Variants in LCT observed in about 807,000 individuals in gnomAD.
LCT encodes the protein lactase/phlorizin hydrolase.
LCT carries 90 observed loss-of-function variants against 173.0 expected under a neutral mutation model. The observed-to-expected ratio is 0.52, with a 90% CI of 0.44 to 0.62. LCT has a LOEUF of 0.62. Among genes scored for constraint, LCT ranks in the 20% least tolerant of loss-of-function variants. LCT has a pLI of 0.00. For synonymous variants in LCT, 853 were observed against 957.6 expected (o/e 0.89, Z 2.02); for missense variants, 1,864 against 2,431.4 (o/e 0.77, Z 4.91).
At chr2:135,799,460 C>T (rs1052259974) in intron 12 of LCT, among the ~76,000 whole-genome samples, 1 of 151,760 alleles carries the variant, frequency 6.6e-6, no homozygotes, top group Non-Finnish European at 1.5e-5. Flanking sequence ...TAAAGGTAGG[C>T]CATGCTGGCA....
At chr2:135,823,850 C>A in intron 4 of LCT, 51 bp downstream of exon 4, 1 of 1,212,560 alleles carries the variant, frequency 8.2e-7, no homozygotes, top group Non-Finnish European at 1.2e-6. Context: ...CTACCTAGCA[C>A]ACCAGTGCAC....
At chr2:135,825,362 T>C (rs2077880090) in intron 3 of LCT, among the ~76,000 whole-genome samples, 1 of 152,198 alleles carries the variant, frequency 6.6e-6, no homozygotes, top group African/African-American at 2.4e-5. Context: ...TTAGTGGAGC[T>C]GTGACTCCAC....
chr2:135,814,440 A>C (rs1409217904), intron 6 of LCT, among the ~76,000 whole-genome samples: 1 of 152,206 alleles, frequency 6.6e-6, no homozygotes, highest in Non-Finnish European at 1.5e-5. Flanking sequence ...ACAGTGAGCA[A>C]CAATCTGAGG....
intron 5 of LCT, among the ~76,000 whole-genome samples, chr2:135,819,405 G>A (rs530818357): frequency 1.3e-5 from 2 of 152,108 alleles, no homozygotes; most frequent in Admixed American, 6.5e-5. Flanking sequence ...AGCAGAGGTC[G>A]GCCTTGAGGA....
chr2:135,828,863 G>GT (rs1413845305), intron 3 of LCT, among the ~76,000 whole-genome samples: 7 of 152,122 alleles, frequency 4.6e-5, no homozygotes, highest in South Asian at 4.1e-4. Flanking sequence ...TGAAATGTTT[G>GT]TTTTTTTAAA....
At chr2:135,810,886 G>C (rs1018507010) in intron 7 of LCT, among the ~76,000 whole-genome samples, 2 of 152,030 alleles carry the variant, frequency 1.3e-5, no homozygotes, top group Non-Finnish European at 2.9e-5. Flanking sequence ...AATTAGCCGG[G>C]CGTGGTGACG....
Position 135,788,134 on chromosome 2 carries a change from C to T in LCT, c.*190G>A. On this transcript the variant is annotated 3_prime_UTR_variant, in exon 17 of 17. Coordinates refer to ENST00000264162, the MANE Select transcript of LCT (RefSeq NM_002299.4). ...GCCCAAATGAACTCTGATACTGGAG[C>T]AAGATGGAGATATTTCCATTTTACT... 1 of 633,026 alleles carries T rather than the reference C, an allele frequency of 1.6e-6. No homozygotes were observed. The highest frequency in any genetic ancestry group is 2.6e-5 in the Admixed American group (1 of 37,938). 39.2% of individuals were successfully genotyped at this position (633,026 alleles called of 1,614,324 possible). A position where few individuals can be genotyped will look rare whatever the true frequency, so the allele number is the denominator to read the frequency against.
rs1553436126 is a variant in LCT at position 135,835,976 on chromosome 2, G to GTGTATGTATA, written c.640+553_640+554insTATACATACA. ...AGGGGTATTTCAAAAATACATGTGT[G>GTGTATGTATA]TATATATATATATATATATATATAT... On this transcript the variant is annotated intron_variant, in intron 1 of 16. Transcript: ENST00000264162. 7.5e-5 allele frequency among the ~76,000 whole-genome samples: 6 copies of GTGTATGTATA among 80,462 alleles called. 1 individual carries two copies. The highest frequency in any genetic ancestry group is 1.6e-4 in the Admixed American group (1 of 6,308). 52.8% of individuals were successfully genotyped at this position (80,462 alleles called of 152,430 possible). A position where few individuals can be genotyped will look rare whatever the true frequency, so the allele number is the denominator to read the frequency against.
chr2:135,790,908 G>T lies in LCT; in HGVS notation c.5112-27C>A. ...TACAAGTTCAAAAACTAAAGATGAG[G>T]TCTTGTTTTGTAAATCTCAAGAGGC... On this transcript the variant is annotated intron_variant, in intron 14 of 16. Coordinates refer to ENST00000264162, the MANE Select transcript of LCT (RefSeq NM_002299.4). This position sits in a 1 kb window ranked among gnomAD's most constrained non-coding sequence, Gnocchi z 4.1. The T allele has an allele frequency of 1.3e-6, 2 of 1,545,040 alleles. No homozygotes were observed. The highest frequency in any genetic ancestry group is 1.7e-4 in the Middle Eastern group (1 of 5,902).
intron 13 of LCT, among the ~76,000 whole-genome samples, 154 bp from the exon 14 acceptor site, chr2:135,794,929 C>T (rs1206427463): frequency 4.3e-5 from 1 of 23,002 alleles, no homozygotes; most frequent in Non-Finnish European, 7.6e-5. Context: ...GTCCTTCAGG[C>T]GGTGCAGGAA....
At chr2:135,792,688 C>T (rs1403581602) in intron 14 of LCT, among the ~76,000 whole-genome samples, 2 of 152,306 alleles carry the variant, frequency 1.3e-5, no homozygotes, top group East Asian at 3.9e-4. Context: ...GAACAGAACT[C>T]CACTGGCCTG....
In LCT at chr2:135,790,797, G is replaced by A. The variant is rs1399178201; in HGVS notation, c.5196C>T (p.Ile1732=). ...TGTATTCCTCCTTTAACCAGTTCAG[G>A]ATCCTCCTGAAGCCAAAAGGCGTCA... The part of the protein sequence containing the change: ...LKMTPFGFRR[I]LNWLKEEYND... The change falls in exon 15 of 17, where the codon ATC becomes ATT. Residue 1732 remains isoleucine (I), a synonymous_variant. Coordinates refer to ENST00000264162, the MANE Select transcript of LCT (RefSeq NM_002299.4). This position sits in a 1 kb window ranked among gnomAD's most constrained non-coding sequence, Gnocchi z 4.1. The A allele has an allele frequency of 1.2e-6, 2 of 1,613,900 alleles. No homozygotes were observed. Among genetic ancestry groups the A allele is most frequent in the Non-Finnish European group, 1.7e-6 (2 of 1,179,998 alleles).
In LCT at chr2:135,804,880, T is replaced by C. The variant is rs910303175; in HGVS notation, c.4351A>G (p.Ile1451Val). The C allele has an allele frequency of 5.6e-6, 9 of 1,613,998 alleles. No individual in the cohort carries two copies. The African/African-American group carries it at 1.1e-4, about 19-fold the overall frequency. The change falls in exon 10 of 17, where the codon ATC becomes GTC. Residue 1451 changes from isoleucine to valine, a missense_variant. By Grantham distance (29) the Ile-to-Val change is conservative. Around this residue, in one of 4 missense-constraint regions of LCT, gnomAD observed 514 missense variants for 750.1 expected, o/e 0.69. Transcript: ENST00000264162. ...TCAGGGAGGATGCGAGACCAGGAGATGGAAAAACGGTAGTGGGACACGCCC... is the reference window on the plus strand; with the variant it reads ...TCAGGGAGGATGCGAGACCAGGAGACGGAAAAACGGTAGTGGGACACGCCC... ...NLGVSHYRFS[I>V]SWSRILPDGT...
intron 5 of LCT, among the ~76,000 whole-genome samples, chr2:135,819,361 A>C (rs2077809133): frequency 6.6e-6 from 1 of 151,930 alleles, no homozygotes; most frequent in African/African-American, 2.4e-5. Context: ...CATGTCATGC[A>C]GGCAGGAAAG....
intron 10 of LCT, among the ~76,000 whole-genome samples, chr2:135,804,511 G>A (rs1353425907): frequency 5.9e-5 from 9 of 152,048 alleles, no homozygotes; most frequent in Admixed American, 1.3e-4. Context: ...GTGAAACCCC[G>A]TCTCTACTAA....
At chr2:135,795,604 C>CTAATAATTGTAA (rs57023267) in intron 13 of LCT, among the ~76,000 whole-genome samples, 1 of 146,050 alleles carries the variant, frequency 6.8e-6, no homozygotes, top group Admixed American at 6.9e-5. Flanking sequence ...TTCTCCAACT[C>CTAATAATTGTAA]TAATAATAAT....
Position 135,833,688 on chromosome 2 carries a change from T to C in LCT, c.641-498A>G, listed in dbSNP as rs987597659. 4.6e-5 allele frequency among the ~76,000 whole-genome samples: 7 copies of C among 151,702 alleles called. No individual in the cohort carries two copies. In the East Asian group the frequency reaches 5.9e-4, roughly 13 times the overall value. On this transcript the variant is annotated intron_variant, in intron 1 of 16. Coordinates refer to ENST00000264162, the MANE Select transcript of LCT (RefSeq NM_002299.4). ...GTCTCGATCTCCTGACCTCATGATC[T>C]GCCCGCCTTGGCCTCCCAAAGTGTT... is the stretch of plus-strand genomic sequence containing the variant.
chr2:135,788,602 C>A, intron 16 of LCT, 58 bp from the exon 17 acceptor site: 1 of 1,084,172 alleles, frequency 9.2e-7, no homozygotes, highest in Non-Finnish European at 1.4e-6. Flanking sequence ...GTTCTCAGAT[C>A]TCTGAGACCC....
Position 135,812,677 on chromosome 2 carries a change from G to A in LCT, c.1987C>T (p.Leu663Phe). 1.2e-6 allele frequency: 2 copies of A among 1,613,694 alleles called. No homozygotes were observed. The highest frequency in any genetic ancestry group is 1.7e-6 in the Non-Finnish European group (2 of 1,179,564). ...TTCTCTGCCTCTGTGAACTCGGGGA[G>A]TTGAGCCACAGGATGGGAGCACTGT... ...NRQCSHPVAQLPEFTEAEKQL... is the reference protein window; with the variant it reads ...NRQCSHPVAQFPEFTEAEKQL... Residue 663 changes from leucine (L) to phenylalanine (F), a missense_variant, in exon 7 of 17, where the codon CTC becomes TTC. Around this residue, in one of 4 missense-constraint regions of LCT, gnomAD observed 755 missense variants for 926.3 expected, o/e 0.82. Transcript: ENST00000264162.
Sources: gnomAD v4.1 joint callset for allele counts (sites outside exome capture counted in the v4.1 genomes callset) on GRCh38, gnomAD v4.1.1 for gene constraint, gnomAD v4.1.1 regional missense constraint, Gnocchi (gnomAD v3.1) non-coding constraint, MANE v1.5 for transcripts, NCBI Gene and HGNC (gene_info 2026-07-23, HGNC 2026-07-21) for gene names.